The following DOCK4 variants were observed in gnomAD, a reference collection of about 807,000 sequenced individuals.
The protein encoded by DOCK4 is dedicator of cytokinesis protein 4.
DOCK4 carries 97 observed loss-of-function variants against 268.1 expected under a neutral mutation model. That is an observed-to-expected ratio of 0.36 (90% CI 0.31 to 0.43). The LOEUF is 0.43. Among genes scored for constraint, DOCK4 ranks in the 20% least tolerant of loss-of-function variants. The pLI is 1.00. For missense variants in DOCK4, 2,145 were observed against 2,455.7 expected (o/e 0.87, Z 2.67); for synonymous variants, 954 against 887.2 (o/e 1.08, Z -1.34).
At chr7:111,963,867 G>A (rs564296845) in intron 8 of DOCK4, among the ~76,000 whole-genome samples, 5 of 73,044 alleles carry the variant, frequency 6.8e-5, no homozygotes, top group Middle Eastern at 5.1e-3. Context: ...TCTGAGAACC[G>A]GCAGACTGCC....
intron 30 of DOCK4, among the ~76,000 whole-genome samples, chr7:111,805,350 G>A (rs555968797): frequency 2.0e-5 from 3 of 152,184 alleles, no homozygotes; most frequent in South Asian, 4.1e-4. Context: ...TGTACTAAAG[G>A]ATCCAAATAT....
chr7:111,807,041 T>G (rs1471486086), intron 30 of DOCK4, among the ~76,000 whole-genome samples: 1 of 152,236 alleles, frequency 6.6e-6, no homozygotes. Flanking sequence ...TGGGCCTAAA[T>G]GCATAGCTAT....
intron 26 of DOCK4, among the ~76,000 whole-genome samples, chr7:111,826,754 G>A (rs1470266254): frequency 2.0e-5 from 3 of 152,054 alleles, no homozygotes; most frequent in Admixed American, 1.3e-4. Context: ...GAAAGAAAAG[G>A]GCTGAAAAAC....
intron 12 of DOCK4, among the ~76,000 whole-genome samples, chr7:111,917,285 C>A (rs1792690012): frequency 6.6e-6 from 1 of 151,866 alleles, no homozygotes; most frequent in South Asian, 2.1e-4. Flanking sequence ...CGCGCCTGGC[C>A]TCTATGCTTT....
At chr7:112,044,489 T>A (rs967757734) in intron 1 of DOCK4, among the ~76,000 whole-genome samples, 2 of 152,214 alleles carry the variant, frequency 1.3e-5, no homozygotes, top group Non-Finnish European at 2.9e-5. Context: ...ACTTAAATTA[T>A]GTCTTAGTAA....
intron 1 of DOCK4, among the ~76,000 whole-genome samples, chr7:112,131,819 TG>T (rs1264000863): frequency 6.6e-6 from 1 of 151,946 alleles, no homozygotes; most frequent in African/African-American, 2.4e-5. Context: ...AAGCACAAAG[TG>T]GGGTTGTAAC....
intron 23 of DOCK4, among the ~76,000 whole-genome samples, chr7:111,858,769 G>T (rs10280604): frequency 0.49 from 73,625 of 151,452 alleles, 19,591 homozygotes; most frequent in African/African-American, 0.72. Context: ...CTTTCCTTCC[G>T]TCTTTCCTCC....
At chr7:112,109,441 AAGC>A (rs756861769) in intron 1 of DOCK4, among the ~76,000 whole-genome samples, 6 of 152,206 alleles carry the variant, frequency 3.9e-5, no homozygotes, top group Non-Finnish European at 7.3e-5. Flanking sequence ...AAAGTAGAAA[AAGC>A]AGGACTGTTC....
intron 17 of DOCK4, among the ~76,000 whole-genome samples, chr7:111,873,633 C>A (rs1434698049): frequency 6.6e-6 from 1 of 151,976 alleles, no homozygotes; most frequent in Non-Finnish European, 1.5e-5. Flanking sequence ...AACTCCAAAC[C>A]CCCCAAACCA....
chr7:111,904,509 T>C (rs1791398176), intron 13 of DOCK4, among the ~76,000 whole-genome samples: 1 of 152,056 alleles, frequency 6.6e-6, no homozygotes, highest in Admixed American at 6.6e-5. Context: ...GCACCCTGAG[T>C]AGGCTACAGT....
At chr7:112,056,103 A>T (rs920093061) in intron 1 of DOCK4, among the ~76,000 whole-genome samples, 3 of 152,146 alleles carry the variant, frequency 2.0e-5, no homozygotes, top group African/African-American at 7.2e-5. Flanking sequence ...GCAGGAGAGC[A>T]GCAGGTGGGA....
chr7:112,084,797 G>T (rs891098928), intron 1 of DOCK4, among the ~76,000 whole-genome samples: 1 of 152,004 alleles, frequency 6.6e-6, no homozygotes, highest in East Asian at 1.9e-4. Context: ...CCATTGTTAT[G>T]CTACCATTAC....
At chr7:111,752,234 G>A (rs946335706) in intron 42 of DOCK4, among the ~76,000 whole-genome samples, 19 of 152,264 alleles carry the variant, frequency 1.2e-4, no homozygotes, top group Middle Eastern at 3.4e-3. Context: ...GGTAAGTCAG[G>A]CTCATTATAT....
At chr7:111,859,437 C>G (rs952996756) in intron 23 of DOCK4, among the ~76,000 whole-genome samples, 7 of 152,030 alleles carry the variant, frequency 4.6e-5, no homozygotes, top group African/African-American at 7.2e-5. Flanking sequence ...TTTTACCCAT[C>G]CCTTGTCATT....
intron 10 of DOCK4, among the ~76,000 whole-genome samples, chr7:111,944,364 C>T (rs1025323496): frequency 6.6e-6 from 1 of 151,204 alleles, no homozygotes; most frequent in African/African-American, 2.4e-5. Context: ...ATTTCACAGG[C>T]TTTTTTTTTG....
At chr7:111,773,554 G>C (rs1798256720) in intron 36 of DOCK4, among the ~76,000 whole-genome samples, 1 of 152,112 alleles carries the variant, frequency 6.6e-6, no homozygotes, top group East Asian at 1.9e-4. Flanking sequence ...TTTTCAAAAA[G>C]TTTACTGTTT....
At chr7:112,043,132 A>G (rs1804537409) in intron 1 of DOCK4, among the ~76,000 whole-genome samples, 1 of 152,186 alleles carries the variant, frequency 6.6e-6, no homozygotes, top group Non-Finnish European at 1.5e-5. Flanking sequence ...AGCAACAGAC[A>G]ATGAACTAAG....
At chr7:112,139,853 C>G (rs1279976443) in intron 1 of DOCK4, among the ~76,000 whole-genome samples, 2 of 152,096 alleles carry the variant, frequency 1.3e-5, no homozygotes, top group East Asian at 1.9e-4. Flanking sequence ...CAGGCCTTCA[C>G]TGAATAAAGA....
rs770024689 is a variant in DOCK4, at chr7:111,977,164, T to G, written c.669A>C (p.Ser223=). The G allele has an allele frequency of 6.2e-7, 1 of 1,612,844 alleles. No individual in the cohort carries two copies. Among genetic ancestry groups the G allele is most frequent in the Non-Finnish European group, 8.5e-7 (1 of 1,179,578 alleles). Residue 223 remains serine, a synonymous_variant, in exon 8 of 53, where the codon TCA becomes TCC. Coordinates refer to ENST00000428084, the MANE Select transcript of DOCK4 (RefSeq NM_001363540.2). ...NLGEELEVIF[S]LFDSKENRPI... Reference sequence around the variant, plus strand: ...GCCGGTTCTCTTTACTGTCAAAGAGTGAGAAGATGACCTCCAGCTCCTCTC... The same window carrying G: ...GCCGGTTCTCTTTACTGTCAAAGAGGGAGAAGATGACCTCCAGCTCCTCTC...
Sources: allele counts gnomAD v4.1 joint callset (sites outside exome capture counted in the v4.1 genomes callset), GRCh38; gene constraint gnomAD v4.1.1; transcripts MANE v1.5; gene names NCBI Gene and HGNC (gene_info 2026-07-23, HGNC 2026-07-21).